The following CHFR variants were observed in gnomAD, a reference collection of about 807,000 sequenced individuals.
CHFR encodes the protein E3 ubiquitin-protein ligase CHFR.
A neutral mutation model predicts 87.6 loss-of-function variants in CHFR; 57 were observed. The observed-to-expected ratio is 0.65, with a 90% confidence interval of 0.53 to 0.81. The LOEUF is 0.81. CHFR is among the 30% of genes least tolerant of loss of function. The pLI is 0.00. For missense variants in CHFR, 797 were observed against 865.8 expected, an observed-to-expected ratio of 0.92 and a Z score of 1.00; for synonymous variants, 381 against 359.2, an observed-to-expected ratio of 1.06 and a Z score of -0.69.
chr12:132,863,362 C>G (rs1469343976), intron 6 of CHFR, among the ~76,000 whole-genome samples: 1 of 151,924 alleles, frequency 6.6e-6, no homozygotes, highest in Non-Finnish European at 1.5e-5. Flanking sequence ...ACAAAATTGG[C>G]CGGGTGTGGT....
rs1437953717 is a variant in CHFR at position 132,846,276 on chromosome 12, T to TGTTG, written c.1735+766_1735+767insCAAC. On this transcript the variant is annotated intron_variant, in intron 15 of 17. Transcript: ENST00000450056. ...ATGCTTAACTGTCTTTTTTTTTTTT[T>TGTTG]TTTTGAGACGGAGTCTCGCTCTGTC... Among the ~76,000 whole-genome samples, 7 of 150,854 alleles carry TGTTG rather than the reference T, an allele frequency of 4.6e-5. No homozygotes were observed. The East Asian group carries it at 1.2e-3, about 26-fold the overall frequency.
At chr12:132,859,565 T>A (rs888448016) in intron 7 of CHFR, among the ~76,000 whole-genome samples, 1 of 152,192 alleles carries the variant, frequency 6.6e-6, no homozygotes, top group African/African-American at 2.4e-5. Context: ...TTAGCCAGGA[T>A]GGTCTCAATC....
At chr12:132,873,013 T>C (rs1308876748) in intron 3 of CHFR, among the ~76,000 whole-genome samples, 1 of 152,154 alleles carries the variant, frequency 6.6e-6, no homozygotes, top group Non-Finnish European at 1.5e-5. Context: ...AAGTGCCTCC[T>C]GGGGACTTCT....
chr12:132,853,801 C>G, intron 10 of CHFR: 1 of 527,790 alleles, frequency 1.9e-6, no homozygotes. Flanking sequence ...TCAGCCCCCA[C>G]GCTTTGGAGC....
rs752825922 is a variant in CHFR, at chr12:132,861,641, G to C, written c.584-7C>G. On this transcript the variant is annotated splice_region_variant and splice_polypyrimidine_tract_variant and intron_variant, in intron 6 of 17. Coordinates refer to ENST00000450056, the MANE Select transcript of CHFR (RefSeq NM_001161346.2). Reference sequence around the variant, plus strand: ...ATGCCACCACCCCCAGACCCTGTGAGAGGAATCAAACAAGATAGGTGCTGA... The same window carrying C: ...ATGCCACCACCCCCAGACCCTGTGACAGGAATCAAACAAGATAGGTGCTGA... 1.2e-6 allele frequency: 2 copies of C among 1,613,502 alleles called. No homozygotes were observed. The highest frequency in any genetic ancestry group is 1.7e-5 in the Admixed American group (1 of 59,952).
At chr12:132,874,691 G>A (rs80032242) in intron 3 of CHFR, among the ~76,000 whole-genome samples, 11,649 of 130,564 alleles carry the variant, frequency 0.089, 717 homozygotes, top group Non-Finnish European at 0.13. Flanking sequence ...CACCCAGCGC[G>A]AGGAAGCCAG....
intron 6 of CHFR, chr12:132,866,473 C>CG (rs2077040159): frequency 6.6e-6 from 1 of 152,038 alleles, no homozygotes; most frequent in Non-Finnish European, 1.5e-5. Context: ...TACAACACAC[C>CG]AGAATGTTAC....
chr12:132,886,824 C>A (rs1242810077), intron 2 of CHFR, among the ~76,000 whole-genome samples: 1 of 152,144 alleles, frequency 6.6e-6, no homozygotes, highest in East Asian at 1.9e-4. Flanking sequence ...TTATTTGACC[C>A]ACCGGTTGCT....
chr12:132,863,861 C>T (rs993236130), intron 6 of CHFR, among the ~76,000 whole-genome samples: 7 of 152,060 alleles, frequency 4.6e-5, no homozygotes, highest in South Asian at 4.1e-4. Context: ...TGGGCTAAAG[C>T]GATCCTTCCA....
At chr12:132,876,676 A>G (rs1593522932) in intron 3 of CHFR, among the ~76,000 whole-genome samples, 1 of 152,366 alleles carries the variant, frequency 6.6e-6, no homozygotes, top group East Asian at 1.9e-4. Flanking sequence ...ATTTGAATAC[A>G]TTCAAGAAGG....
intron 2 of CHFR, among the ~76,000 whole-genome samples, chr12:132,881,513 C>T (rs2137063502): frequency 6.6e-6 from 1 of 152,242 alleles, no homozygotes; most frequent in Admixed American, 6.5e-5. Flanking sequence ...CATTAATCTT[C>T]AGAGAAATGC....
intron 2 of CHFR, among the ~76,000 whole-genome samples, chr12:132,886,785 T>C (rs1015672509): frequency 6.6e-6 from 1 of 152,248 alleles, no homozygotes; most frequent in African/African-American, 2.4e-5. Context: ...GTTTCATTTG[T>C]CTCAAAACAA....
At position 132,861,534 on chromosome 12, in the gene CHFR, C is replaced by T. The variant is rs755027328; in HGVS notation, c.684G>A (p.Ala228=). Residue 228 remains alanine, a synonymous_variant, in exon 7 of 18, where the codon GCG becomes GCA. Transcript: ENST00000450056. ...FASALPDRKT[A]SFSSLEPQDQ... The stretch of plus-strand genomic sequence containing the variant: ...CCTGGGGTTCCAACGACGAAAAGGA[C>T]GCAGTCTTTCTGTCTGGGAGAGCTG... The T allele has an allele frequency of 2.5e-5, 41 of 1,614,112 alleles. No homozygotes were observed. Among genetic ancestry groups the T allele is most frequent in the East Asian group, 4.5e-5 (2 of 44,898 alleles).
chr12:132,872,232 C>G, intron 4 of CHFR, 53 bp downstream of exon 4: 1 of 1,165,930 alleles, frequency 8.6e-7, no homozygotes, highest in Non-Finnish European at 1.3e-6. Flanking sequence ...AGAGAGCGCC[C>G]TCACGTGCAC....
chr12:132,851,021 C>T (rs1459688282), intron 12 of CHFR, among the ~76,000 whole-genome samples: 1 of 148,712 alleles, frequency 6.7e-6, no homozygotes, highest in Non-Finnish European at 1.5e-5. Context: ...GACAGGATTT[C>T]CCTCTGTCGC....
intron 6 of CHFR, among the ~76,000 whole-genome samples, chr12:132,864,608 C>G (rs902542184): frequency 6.6e-6 from 1 of 152,180 alleles, no homozygotes; most frequent in Non-Finnish European, 1.5e-5. Context: ...CATGCCTCAG[C>G]CTCCCGAGTA....
At position 132,887,338 on chromosome 12, in the gene CHFR, C is replaced by T. The variant is rs1951922592; in HGVS notation, c.-10G>A. ...CCTCGGGCCGCTCCATCGGGATTCA[C>T]ATCTGCGGAGACCCCGGAAACGCCC... On this transcript the variant is annotated splice_region_variant and 5_prime_UTR_variant, in exon 2 of 18. In the 5' UTR this introduces an upstream ATG that the reference lacks. Coordinates refer to ENST00000450056, the MANE Select transcript of CHFR (RefSeq NM_001161346.2). The T allele has an allele frequency of 7.0e-7, 1 of 1,428,240 alleles. No individual in the cohort carries two copies. 88.5% of individuals were successfully genotyped at this position (1,428,240 alleles called of 1,614,324 possible).
At chr12:132,842,808 C>T (rs1469652309) in intron 17 of CHFR, among the ~76,000 whole-genome samples, 1 of 152,170 alleles carries the variant, frequency 6.6e-6, no homozygotes, top group Non-Finnish European at 1.5e-5. Flanking sequence ...CTACTCCAGC[C>T]AGGAAGACAC....
Position 132,857,469 on chromosome 12 carries a change from C to T in CHFR, c.1002G>A (p.Val334=). Reference sequence around the variant, plus strand: ...GGATGTGGTTTTTACAGATCCGCTCCACGGGACAGCGGCAGGTAGGACACA... The same window carrying T: ...GGATGTGGTTTTTACAGATCCGCTCTACGGGACAGCGGCAGGTAGGACACA... The part of the protein sequence containing the change: ...SSLCPTCRCP[V]ERICKNHILN... The change falls in exon 9 of 18, where the codon GTG becomes GTA. Residue 334 remains valine (V), a synonymous_variant. Transcript: ENST00000450056. 1 of 1,614,204 alleles carries T rather than the reference C, an allele frequency of 6.2e-7. No homozygotes were observed. The highest frequency in any genetic ancestry group is 2.2e-5 in the East Asian group (1 of 44,886).
Sources: allele counts gnomAD v4.1 joint callset (sites outside exome capture counted in the v4.1 genomes callset), GRCh38; gene constraint gnomAD v4.1.1; transcripts MANE v1.5; gene names NCBI Gene and HGNC (gene_info 2026-07-23, HGNC 2026-07-21).